Variants in REG3G observed in about 807,000 individuals in gnomAD.
The protein encoded by REG3G is regenerating family member 3 gamma.
REG3G carries 19 observed loss-of-function variants against 20.9 expected under a neutral mutation model. That is an observed-to-expected ratio of 0.91 (90% CI 0.64 to 1.34). The LOEUF (loss-of-function observed/expected upper bound fraction) is 1.34, where lower values mean the gene tolerates loss of function less well. REG3G is among the 40% of genes most tolerant of loss of function. REG3G has a pLI of 0.00. For missense variants in REG3G, 235 were observed against 205.0 expected, an observed-to-expected ratio of 1.15 and a Z score of -0.89; for synonymous variants, 89 against 77.4, an observed-to-expected ratio of 1.15 and a Z score of -0.79.
In REG3G at chr2:79,027,074, T is replaced by C; in HGVS notation, c.236T>C (p.Val79Ala). Residue 79 changes from valine (V) to alanine (A), a missense_variant, in exon 4 of 6, where the codon GTG becomes GCG. Physicochemically the swap from Val to Ala is moderately conservative, Grantham distance 64 (BLOSUM62 0). Coordinates refer to ENST00000272324, the MANE Select transcript of REG3G (RefSeq NM_001008387.3). ...QKRPSGKLVS[V>A]LSGAEGSFVS... ...CGGCCCTCTGGAAAACTGGTGTCTGTGCTCAGTGGGGCTGAGGGATCCTTC... is the reference window on the plus strand; with the variant it reads ...CGGCCCTCTGGAAAACTGGTGTCTGCGCTCAGTGGGGCTGAGGGATCCTTC... 1 of 1,614,092 alleles carries C rather than the reference T, an allele frequency of 6.2e-7. No individual in the cohort carries two copies. The highest frequency in any genetic ancestry group is 1.3e-5 in the African/African-American group (1 of 75,036).
chr2:79,026,939 C>T (rs431912), intron 3 of REG3G, 95 bp from the exon 4 acceptor site: 515,222 of 1,468,928 alleles, frequency 0.35, 94,864 homozygotes, highest in South Asian at 0.49. Flanking sequence ...GATGAACACG[C>T]TTATCTTTCA....
At chr2:79,027,964 C>G (rs1415838752) in intron 5 of REG3G, 31 bp downstream of exon 5, 1 of 1,612,872 alleles carries the variant, frequency 6.2e-7, no homozygotes, top group Admixed American at 1.7e-5. Context: ...CTCTTCCCAG[C>G]ACTTTCCACT....
chr2:79,026,677 T>TC lies in REG3G; in HGVS notation c.77-35dup, dbSNP rs774111684. 5.3e-6 allele frequency: 8 copies of TC among 1,521,464 alleles called. No individual in the cohort carries two copies. In the East Asian group the frequency reaches 1.6e-4, roughly 30 times the overall value. 94.2% of individuals were successfully genotyped at this position (1,521,464 alleles called of 1,614,324 possible). The stretch of plus-strand genomic sequence containing the variant: ...AGGTCATCTCCCACCCACCCCCTAC[T>TC]CTTCATTTTACTCTCTCCCTTTTCT... On this transcript the variant is annotated intron_variant, in intron 2 of 5. Coordinates refer to ENST00000272324, the MANE Select transcript of REG3G (RefSeq NM_001008387.3).
chr2:79,027,830 A>G lies in REG3G; in HGVS notation c.357A>G (p.Gly119=), dbSNP rs369618316. The G allele has an allele frequency of 3.7e-6, 6 of 1,613,886 alleles. No homozygotes were observed. The African/African-American group carries it at 8.0e-5, about 22-fold the overall frequency. Residue 119 remains glycine, a synonymous_variant, in exon 5 of 6, where the codon GGA becomes GGG. Transcript: ENST00000272324. ...AGGGCTCTGAGCCTGATGGAGATGG[A>G]TGGGAGTGGAGTAGCACTGATGTGA... The part of the protein sequence containing the change: ...PTQGSEPDGD[G]WEWSSTDVMN...
At position 79,028,309 on chromosome 2, in the gene REG3G, G is replaced by C; in HGVS notation, c.*33G>C. The C allele has an allele frequency of 6.9e-7, 1 of 1,441,638 alleles. No individual in the cohort carries two copies. 89.3% of individuals were successfully genotyped at this position (1,441,638 alleles called of 1,614,324 possible). ...GGGAAGTCAGCAGCCTGAGCTTGGC[G>C]TGCAGCTCATCATGGACATGAGACC... is the stretch of plus-strand genomic sequence containing the variant. On this transcript the variant is annotated 3_prime_UTR_variant, in exon 6 of 6. Transcript: ENST00000272324.
At chr2:79,027,764 C>A (rs1352438185) in intron 4 of REG3G, 43 bp from the exon 5 acceptor site, 2 of 1,611,808 alleles carry the variant, frequency 1.2e-6, no homozygotes, top group East Asian at 2.2e-5. Flanking sequence ...AAGAGACCTG[C>A]AATGGCCATT....
chr2:79,027,276 G>A, intron 4 of REG3G, 105 bp downstream of exon 4: 4 of 1,238,764 alleles, frequency 3.2e-6, no homozygotes, highest in Admixed American at 4.1e-5. Flanking sequence ...AGGGAGCACT[G>A]GAGCTCAGAT....
chr2:79,027,577 A>T (rs1671656605), intron 4 of REG3G, among the ~76,000 whole-genome samples: 2 of 152,184 alleles, frequency 1.3e-5, no homozygotes, highest in East Asian at 1.9e-4. Context: ...TCTGCAAGTA[A>T]CATATTACCT....
chr2:79,028,201 C>A lies in REG3G; in HGVS notation c.461-8C>A. The stretch of plus-strand genomic sequence containing the variant: ...CAGCCCCATGCCTTTTATATTCTGT[C>A]TCCCTAGGATTTCTGAAGTGGAAAG... On this transcript the variant is annotated splice_region_variant and splice_polypyrimidine_tract_variant and intron_variant, in intron 5 of 5. Coordinates refer to ENST00000272324, the MANE Select transcript of REG3G (RefSeq NM_001008387.3). The A allele has an allele frequency of 6.2e-7, 1 of 1,603,590 alleles. No individual in the cohort carries two copies. Among genetic ancestry groups the A allele is most frequent in the South Asian group, 1.1e-5 (1 of 90,902 alleles).
chr2:79,026,354 C>T, intron 2 of REG3G, 185 bp downstream of exon 2: 1 of 634,652 alleles, frequency 1.6e-6, no homozygotes, highest in Non-Finnish European at 2.8e-6. Flanking sequence ...GGTCCACTAA[C>T]AATGGAATGA....
chr2:79,027,092 G>T lies in REG3G; in HGVS notation c.254G>T (p.Gly85Val), dbSNP rs557732692. The change falls in exon 4 of 6, where the codon GGA (glycine) becomes GTA (valine). Residue 85 changes from glycine to valine, a missense_variant. Coordinates refer to ENST00000272324, the MANE Select transcript of REG3G (RefSeq NM_001008387.3). ...GTGTCTGTGCTCAGTGGGGCTGAGGGATCCTTCGTGTCCTCCCTGGTGAGG... is the reference window on the plus strand; with the variant it reads ...GTGTCTGTGCTCAGTGGGGCTGAGGTATCCTTCGTGTCCTCCCTGGTGAGG... ...KLVSVLSGAE[G>V]SFVSSLVRSI... 7.6e-5 allele frequency: 122 copies of T among 1,614,064 alleles called. 1 individual carries two copies. In the South Asian group the frequency reaches 1.3e-3, roughly 17 times the overall value.
At chr2:79,026,575 T>C in intron 2 of REG3G, 138 bp from the exon 3 acceptor site, 1 of 721,422 alleles carries the variant, frequency 1.4e-6, no homozygotes. Flanking sequence ...ATAAAGAACT[T>C]CTGAAAACAC....
intron 2 of REG3G, chr2:79,026,498 A>C (rs1671622897): frequency 1.7e-6 from 1 of 599,078 alleles, no homozygotes; most frequent in Admixed American, 3.0e-5. Flanking sequence ...AGAGTGTTGA[A>C]TGGTTGAATA....
At position 79,028,048 on chromosome 2, in the gene REG3G, G is replaced by C. The variant is rs150272129; in HGVS notation, c.460+115G>C. 1.2e-5 allele frequency: 17 copies of C among 1,378,646 alleles called. No homozygotes were observed. The African/African-American group carries it at 2.3e-4, about 19-fold the overall frequency. 85.4% of individuals were successfully genotyped at this position (1,378,646 alleles called of 1,614,324 possible). A position where few individuals can be genotyped will look rare whatever the true frequency, so the allele number is the denominator to read the frequency against. ...ATGCAGTGTTTATGTGCCTTCTCCC[G>C]TCTCCTCTCATCTCTGCCTTCTTTG... On this transcript the variant is annotated intron_variant, in intron 5 of 5. Coordinates refer to ENST00000272324, the MANE Select transcript of REG3G (RefSeq NM_001008387.3).
At chr2:79,026,316 G>T in intron 2 of REG3G, 147 bp downstream of exon 2, 1 of 769,018 alleles carries the variant, frequency 1.3e-6, no homozygotes, top group Non-Finnish European at 2.2e-6. Flanking sequence ...CTTCCTTCAT[G>T]TTAACTTGCA....
At chr2:79,026,626 C>T (rs1671625303) in intron 2 of REG3G, 87 bp from the exon 3 acceptor site, 3 of 1,073,410 alleles carry the variant, frequency 2.8e-6, no homozygotes, top group Non-Finnish European at 4.1e-6. Context: ...GTCTTCCTCC[C>T]CAAGGGCAGA....
chr2:79,027,477 A>G (rs138488583), intron 4 of REG3G, among the ~76,000 whole-genome samples: 1 of 152,340 alleles, frequency 6.6e-6, no homozygotes, highest in Non-Finnish European at 1.5e-5. Flanking sequence ...GGAATTCTAA[A>G]TTAAGATAGG....
At position 79,027,789 on chromosome 2, in the gene REG3G, G is replaced by A. The variant is rs767936664; in HGVS notation, c.334-18G>A. Reference sequence around the variant, plus strand: ...CAATGGCCATTTTCTTCACCTGGCTGCCTCCTCTTCTCTATAGGGCTCTGA... The same window carrying A: ...CAATGGCCATTTTCTTCACCTGGCTACCTCCTCTTCTCTATAGGGCTCTGA... On this transcript the variant is annotated intron_variant, in intron 4 of 5. Coordinates refer to ENST00000272324, the MANE Select transcript of REG3G (RefSeq NM_001008387.3). 29 of 1,613,510 alleles carry A rather than the reference G, an allele frequency of 1.8e-5. No individual in the cohort carries two copies. The South Asian group carries it at 2.9e-4, about 16-fold the overall frequency.
At chr2:79,028,074 A>G in intron 5 of REG3G, 135 bp from the exon 6 acceptor site, 2 of 1,280,872 alleles carry the variant, frequency 1.6e-6, no homozygotes, top group Non-Finnish European at 2.2e-6. Context: ...GCCTTCTTTG[A>G]GTCTCATTCT....
Sources: gnomAD v4.1 joint callset for allele counts (sites outside exome capture counted in the v4.1 genomes callset) on GRCh38, gnomAD v4.1.1 for gene constraint, MANE v1.5 for transcripts, NCBI Gene and HGNC (gene_info 2026-07-23, HGNC 2026-07-21) for gene names.